CDH12: variants seen among roughly 807,000 people sequenced by gnomAD.
CDH12 encodes the protein cadherin 12.
Under a neutral mutation model 74.1 loss-of-function variants are expected in CDH12, and 41 were observed. That is an observed-to-expected ratio of 0.55 (90% CI 0.43 to 0.72). The LOEUF (loss-of-function observed/expected upper bound fraction) is 0.72. Ranked by LOEUF, CDH12 falls within the 30% of genes least tolerant of loss-of-function variation. The probability of loss-of-function intolerance (pLI) is 0.00; values close to 1 mark genes in which losing one functional copy is unlikely to be tolerated. For synonymous variants in CDH12, 399 were observed against 355.0 expected, an observed-to-expected ratio of 1.12 and a Z score of -1.39; for missense variants, 945 against 977.2, an observed-to-expected ratio of 0.97 and a Z score of 0.44.
intron 3 of CDH12, among the ~76,000 whole-genome samples, chr5:22,345,825 C>T (rs112324569): frequency 0.043 from 6,514 of 152,094 alleles, 167 homozygotes; most frequent in African/African-American, 0.071. Flanking sequence ...AGAATGGGTC[C>T]GGGCACAGTG....
chr5:22,326,243 T>G (rs1739093193), intron 3 of CDH12, among the ~76,000 whole-genome samples: 1 of 151,858 alleles, frequency 6.6e-6, no homozygotes, highest in Non-Finnish European at 1.5e-5. Flanking sequence ...TTTTTTTTCT[T>G]TCTTTTTTTG....
At chr5:22,492,227 T>C (rs1746903245) in intron 2 of CDH12, among the ~76,000 whole-genome samples, 1 of 152,084 alleles carries the variant, frequency 6.6e-6, no homozygotes, top group Admixed American at 6.6e-5. Flanking sequence ...AAAGAGAAGC[T>C]GCAGGGCAGG....
intron 4 of CDH12, among the ~76,000 whole-genome samples, chr5:22,163,194 T>C (rs1002441705): frequency 1.1e-4 from 16 of 152,184 alleles, no homozygotes; most frequent in Non-Finnish European, 2.4e-4. Flanking sequence ...TCTGACGTTT[T>C]AATGTTGCAT....
chr5:22,199,778 A>G (rs1400794643), intron 4 of CDH12, among the ~76,000 whole-genome samples: 3 of 151,460 alleles, frequency 2.0e-5, no homozygotes, highest in African/African-American at 7.4e-5. Flanking sequence ...ACTAGTCACA[A>G]CATTTTTCTT....
At chr5:22,398,815 T>G (rs1000498873) in intron 3 of CDH12, among the ~76,000 whole-genome samples, 9 of 152,154 alleles carry the variant, frequency 5.9e-5, no homozygotes, top group Non-Finnish European at 1.2e-4. Flanking sequence ...AAATAAAAGA[T>G]AAGCACCTTT....
intron 1 of CDH12, among the ~76,000 whole-genome samples, chr5:22,525,019 C>A (rs1350740070): frequency 6.7e-6 from 1 of 148,578 alleles, no homozygotes; most frequent in African/African-American, 2.5e-5. Flanking sequence ...TCCATGTGTT[C>A]TCATTATTCA....
At chr5:22,280,224 G>GC (rs1322916203) in intron 3 of CDH12, among the ~76,000 whole-genome samples, 4 of 152,098 alleles carry the variant, frequency 2.6e-5, no homozygotes, top group Non-Finnish European at 4.4e-5. Context: ...TGATGGGGTT[G>GC]TTTGTTTTTT....
At chr5:22,401,018 C>A (rs1157045419) in intron 3 of CDH12, among the ~76,000 whole-genome samples, 2 of 152,122 alleles carry the variant, frequency 1.3e-5, no homozygotes, top group Non-Finnish European at 2.9e-5. Flanking sequence ...TGAATATTTC[C>A]ATATAATAAA....
intron 2 of CDH12, among the ~76,000 whole-genome samples, chr5:22,406,360 C>T (rs935285521): frequency 1.3e-5 from 2 of 152,102 alleles, no homozygotes; most frequent in African/African-American, 4.8e-5. Context: ...CTTCACTACC[C>T]TAACTTGCAG....
At chr5:21,987,989 GA>G (rs887585582) in intron 5 of CDH12, among the ~76,000 whole-genome samples, 5 of 151,536 alleles carry the variant, frequency 3.3e-5, no homozygotes, top group Non-Finnish European at 5.9e-5. Context: ...AGGACAGCTA[GA>G]AAAAAAATAC....
At chr5:22,460,094 A>C (rs1409749527) in intron 2 of CDH12, among the ~76,000 whole-genome samples, 2 of 152,268 alleles carry the variant, frequency 1.3e-5, no homozygotes, top group African/African-American at 4.8e-5. Context: ...AAGTGCAGGT[A>C]ATATGCAAAA....
intron 3 of CDH12, among the ~76,000 whole-genome samples, chr5:22,387,716 G>A (rs1254153514): frequency 2.6e-5 from 4 of 152,270 alleles, no homozygotes; most frequent in South Asian, 2.1e-4. Flanking sequence ...TGGGAGAGAT[G>A]AGGATAGGAG....
intron 11 of CDH12, among the ~76,000 whole-genome samples, chr5:21,765,951 G>T (rs1288101112): frequency 1.3e-5 from 2 of 151,978 alleles, no homozygotes; most frequent in Non-Finnish European, 2.9e-5. Flanking sequence ...AAGACCTCTT[G>T]CTCAGAGGCA....
intron 1 of CDH12, among the ~76,000 whole-genome samples, chr5:22,736,219 T>C (rs1744711671): frequency 6.6e-6 from 1 of 151,836 alleles, no homozygotes; most frequent in South Asian, 2.1e-4. Context: ...TTTTAAACCA[T>C]TAATTAATTA....
chr5:21,756,584 G>T (rs1241667365), intron 13 of CDH12, among the ~76,000 whole-genome samples: 1 of 152,070 alleles, frequency 6.6e-6, no homozygotes, highest in Admixed American at 6.6e-5. Context: ...TATTGAAAGT[G>T]CTCTTTTGCA....
intron 3 of CDH12, among the ~76,000 whole-genome samples, chr5:22,347,596 T>A (rs1383613953): frequency 1.3e-5 from 2 of 152,198 alleles, no homozygotes; most frequent in East Asian, 3.9e-4. Flanking sequence ...TCAATACTCC[T>A]TAATAAACTC....
At chr5:22,174,951 C>CTATA (rs1323466190) in intron 4 of CDH12, among the ~76,000 whole-genome samples, 2 of 151,786 alleles carry the variant, frequency 1.3e-5, no homozygotes, top group Admixed American at 6.6e-5. Flanking sequence ...TCTAATGACT[C>CTATA]TATATTATTT....
chr5:21,906,448 C>T (rs903525425), intron 6 of CDH12, among the ~76,000 whole-genome samples: 15 of 152,122 alleles, frequency 9.9e-5, no homozygotes, highest in East Asian at 3.9e-4. Context: ...TAGACAACTC[C>T]GAAATTCCTC....
chr5:22,061,151 G>A (rs1468124222), intron 5 of CDH12, among the ~76,000 whole-genome samples: 1 of 152,068 alleles, frequency 6.6e-6, no homozygotes, highest in Admixed American at 6.6e-5. Flanking sequence ...CTCCTCTAAG[G>A]TGGTTACACT....
Sources: allele counts gnomAD v4.1 joint callset (sites outside exome capture counted in the v4.1 genomes callset), GRCh38; gene constraint gnomAD v4.1.1; transcripts MANE v1.5; gene names NCBI Gene and HGNC (gene_info 2026-07-23, HGNC 2026-07-21).